Variants in KICS2 observed in about 807,000 individuals in gnomAD.
KICS2 encodes KICSTOR subunit 2.
Under a neutral mutation model 31.4 loss-of-function variants are expected in KICS2, and 13 were observed. That is an observed-to-expected ratio of 0.41 (90% confidence interval 0.27 to 0.66). The LOEUF (loss-of-function observed/expected upper bound fraction) is 0.66, where lower values mean the gene tolerates loss of function less well. KICS2 is among the 30% of genes least tolerant of loss of function. The probability of loss-of-function intolerance (pLI) is 0.28; values close to 1 mark genes in which losing one functional copy is unlikely to be tolerated. For missense variants in KICS2, 455 were observed against 545.4 expected (o/e 0.83, Z 1.65); for synonymous variants, 209 against 214.8 (o/e 0.97, Z 0.24).
chr12:64,187,541 C>T (rs1308166975), downstream of KICS2: 3 of 1,231,890 alleles, frequency 2.4e-6, no homozygotes, highest in Non-Finnish European at 3.4e-6. Flanking sequence ...GAGAAGTCTC[C>T]AAAGGCAGAA....
chr12:64,195,724 G>A (rs1006130492), intron 2 of KICS2, among the ~76,000 whole-genome samples: 44 of 152,254 alleles, frequency 2.9e-4, no homozygotes, highest in Non-Finnish European at 4.1e-4. Context: ...CAGACAGTGG[G>A]CGCAGGCCAG....
downstream of KICS2, among the ~76,000 whole-genome samples, chr12:64,189,101 C>T (rs564541366): frequency 2.0e-5 from 3 of 151,902 alleles, no homozygotes; most frequent in East Asian, 1.9e-4. Context: ...TGTGGTGAGC[C>T]GAGATCGTGC....
chr12:64,188,549 AAG>A (rs1359080697), downstream of KICS2, among the ~76,000 whole-genome samples: 1 of 151,920 alleles, frequency 6.6e-6, no homozygotes, highest in South Asian at 2.1e-4. Context: ...AAGGAAGGAA[AAG>A]AGAGAGGAAA....
At chr12:64,206,227 T>C (rs759993660) in intron 2 of KICS2, among the ~76,000 whole-genome samples, 10 of 152,170 alleles carry the variant, frequency 6.6e-5, no homozygotes, top group African/African-American at 9.7e-5. Flanking sequence ...GCCAAAATGA[T>C]AAATTTTTTT....
chr12:64,207,858 A>G (rs1197788504), intron 2 of KICS2, among the ~76,000 whole-genome samples: 1 of 152,228 alleles, frequency 6.6e-6, no homozygotes, highest in Admixed American at 6.5e-5. Context: ...TAGAACAACA[A>G]AAGGACATTC....
At chr12:64,216,146 T>TATCATAAATGCTTTATGATA (rs2037627309) in intron 1 of KICS2, among the ~76,000 whole-genome samples, 183 bp from the exon 2 acceptor site, 1 of 144,984 alleles carries the variant, frequency 6.9e-6, no homozygotes, top group Admixed American at 6.8e-5. Flanking sequence ...ACTTTATGAT[T>TATCATAAATGCTTTATGATA]ATCATAAATA....
At position 64,194,949 on chromosome 12, in the gene KICS2, T is replaced by TTA. The variant is rs397798384; in HGVS notation, c.522-292_522-291insTA. Among the ~76,000 whole-genome samples the TTA allele has an allele frequency of 4.3e-3, 527 of 121,314 alleles. 2 individuals carry two copies. The highest frequency in any genetic ancestry group is 0.013 in the African/African-American group (446 of 34,420). 79.6% of individuals were successfully genotyped at this position (121,314 alleles called of 152,430 possible). A position where few individuals can be genotyped will look rare whatever the true frequency, so the allele number is the denominator to read the frequency against. Reference sequence around the variant, plus strand: ...TAGCTACAATTCATTTTTTTTTTTTTATTTATTTATTTTAGACTGGTTCTT... The same window carrying TTA: ...TAGCTACAATTCATTTTTTTTTTTTTTAATTTATTTATTTTAGACTGGTTCTT... On this transcript the variant is annotated intron_variant, in intron 2 of 2. Coordinates refer to ENST00000398055, the MANE Select transcript of KICS2 (RefSeq NM_152440.5).
At chr12:64,220,775 G>A (rs955325161) in intron 1 of KICS2, among the ~76,000 whole-genome samples, 5 of 151,554 alleles carry the variant, frequency 3.3e-5, no homozygotes. Context: ...AGAGTACAAG[G>A]GCAGATATTT....
chr12:64,191,838 G>C lies in KICS2; in HGVS notation c.*2004C>G, dbSNP rs958472325. On this transcript the variant is annotated 3_prime_UTR_variant, in exon 3 of 3. Transcript: ENST00000398055. ...GCTTATAAACCCAGTGCTTTGGGAG[G>C]CCGAGGCGGGAGGCTCATGTGAGTC... The C allele has an allele frequency of 1.3e-5, 2 of 152,080 alleles. No individual in the cohort carries two copies. The highest frequency in any genetic ancestry group is 4.8e-5 in the African/African-American group (2 of 41,418). 9.4% of individuals were successfully genotyped at this position (152,080 alleles called of 1,614,324 possible).
Position 64,193,684 on chromosome 12 carries a change from T to G in KICS2, c.*158A>C, listed in dbSNP as rs1452630135. On this transcript the variant is annotated 3_prime_UTR_variant, in exon 3 of 3. Transcript: ENST00000398055. ...TTTGGAAACTTAATTCAATTGGCCT[T>G]AATTGCTTATAAAGTGTGCAACACA... The G allele has an allele frequency of 7.0e-7, 1 of 1,429,968 alleles. No homozygotes were observed. The highest frequency in any genetic ancestry group is 2.9e-5 in the Admixed American group (1 of 34,322). The allele number at this position is 1,429,968 out of a possible 1,614,324, so 88.6% of individuals were successfully genotyped here.
At position 64,193,172 on chromosome 12, in the gene KICS2, G is replaced by C; in HGVS notation, c.*670C>G. 1 of 985,388 alleles carries C rather than the reference G, an allele frequency of 1.0e-6. No homozygotes were observed. The allele number at this position is 985,388 out of a possible 1,614,324, so 61.0% of individuals were successfully genotyped here. A position where few individuals can be genotyped will look rare whatever the true frequency, so the allele number is the denominator to read the frequency against. ...CATTAAAGAAGTCAAAACAAATGCA[G>C]TTAGGTGTGTACATTACCCCAAAAG... is the stretch of plus-strand genomic sequence containing the variant. On this transcript the variant is annotated 3_prime_UTR_variant, in exon 3 of 3. Transcript: ENST00000398055.
rs1219693611 is a variant in KICS2, at chr12:64,192,699, C to A, written c.*1143G>T. On this transcript the variant is annotated 3_prime_UTR_variant, in exon 3 of 3. Transcript: ENST00000398055. The stretch of plus-strand genomic sequence containing the variant: ...AATCTAGAAGTGAAGGTCTCCACAG[C>A]CCATTATGCCTTCACTGATCCACCT... 1.0e-6 allele frequency: 1 copy of A among 985,288 alleles called. No individual in the cohort carries two copies. 61.0% of individuals were successfully genotyped at this position (985,288 alleles called of 1,614,324 possible). A position where few individuals can be genotyped will look rare whatever the true frequency, so the allele number is the denominator to read the frequency against.
intron 2 of KICS2, among the ~76,000 whole-genome samples, chr12:64,204,419 G>C (rs1334110145): frequency 6.6e-6 from 1 of 152,078 alleles, no homozygotes; most frequent in African/African-American, 2.4e-5. Context: ...AGATAAACCA[G>C]ATCTCAAATC....
At chr12:64,212,864 T>C (rs897042288) in intron 2 of KICS2, among the ~76,000 whole-genome samples, 16 of 151,774 alleles carry the variant, frequency 1.1e-4, no homozygotes, top group African/African-American at 3.9e-4. Context: ...CTGAGGTGGG[T>C]GGATTGCTTC....
intron 2 of KICS2, among the ~76,000 whole-genome samples, chr12:64,196,294 TGACCCCC>T (rs1181050476): frequency 7.1e-5 from 9 of 127,644 alleles, no homozygotes; most frequent in Non-Finnish European, 1.4e-4. Flanking sequence ...TCCTGACCCC[TGACCCCC>T]GAGCAGCCTA....
intron 2 of KICS2, among the ~76,000 whole-genome samples, chr12:64,208,786 T>C (rs539632555): frequency 9.6e-4 from 146 of 152,326 alleles, no homozygotes; most frequent in African/African-American, 3.4e-3. Context: ...ATTAAAATCA[T>C]GGAATGGTTT....
chr12:64,205,577 C>A (rs1462905476), intron 2 of KICS2, among the ~76,000 whole-genome samples: 1 of 69,442 alleles, frequency 1.4e-5, no homozygotes, highest in Admixed American at 2.0e-4. Context: ...CAACTATTTG[C>A]AGAGAACATC....
At chr12:64,187,715 G>A (rs1459707790), downstream of KICS2, 1 of 1,327,418 alleles carries the variant, frequency 7.5e-7, no homozygotes, top group Non-Finnish European at 1.0e-6. Context: ...TTTGTGGGGA[G>A]TCACATAGCA....
Position 64,191,956 on chromosome 12 carries a change from G to A in KICS2, c.*1886C>T, listed in dbSNP as rs539724840. ...ACCTACTCGGGATGCTGATGTGGGA[G>A]GATCACTTGAGCCCAGGAGGTTGAG... On this transcript the variant is annotated 3_prime_UTR_variant, in exon 3 of 3. Transcript: ENST00000398055. 2 of 150,516 alleles carry A rather than the reference G, an allele frequency of 1.3e-5. No individual in the cohort carries two copies. The highest frequency in any genetic ancestry group is 4.9e-5 in the African/African-American group (2 of 40,836). 9.3% of individuals were successfully genotyped at this position (150,516 alleles called of 1,614,324 possible).
Sources: gnomAD v4.1 joint callset for allele counts (sites outside exome capture counted in the v4.1 genomes callset) on GRCh38, gnomAD v4.1.1 for gene constraint, MANE v1.5 for transcripts, NCBI Gene and HGNC (gene_info 2026-07-23, HGNC 2026-07-21) for gene names.